Variants in ANXA8 observed in about 807,000 individuals in gnomAD.
The protein encoded by ANXA8 is annexin A8.
A neutral mutation model predicts 26.8 loss-of-function variants in ANXA8; 9 were observed. That is an observed-to-expected ratio of 0.34 (90% CI 0.20 to 0.59). ANXA8 has a LOEUF of 0.59. ANXA8 is among the 20% of genes least tolerant of loss of function. ANXA8 has a pLI of 0.84. For missense variants in ANXA8, 83 were observed against 238.5 expected, an observed-to-expected ratio of 0.35 and a Z score of 4.29; for synonymous variants, 39 against 94.8, an observed-to-expected ratio of 0.41 and a Z score of 3.42.
At chr10:47,607,469 A>G in the ANXA8 span, among the ~76,000 whole-genome samples, 4 of 150,502 alleles carry the variant, frequency 2.7e-5, no homozygotes, top group African/African-American at 9.9e-5. Flanking sequence ...TACATTCTGT[A>G]TGACAGAAAG....
the ANXA8 span, among the ~76,000 whole-genome samples, chr10:47,626,444 C>T: frequency 4.0e-5 from 6 of 150,128 alleles, no homozygotes; most frequent in South Asian, 2.1e-4. Flanking sequence ...CAATTTTTTC[C>T]GACAGATATC....
At chr10:47,947,375 T>A in the ANXA8 span, among the ~76,000 whole-genome samples, 2 of 141,430 alleles carry the variant, frequency 1.4e-5, 1 homozygote, top group African/African-American at 5.6e-5. Context: ...GTTGCATGTG[T>A]CCCACAAAGT....
chr10:47,944,878 AC>A, the ANXA8 span, among the ~76,000 whole-genome samples: 1 of 116,226 alleles, frequency 8.6e-6, no homozygotes, highest in African/African-American at 3.4e-5. Flanking sequence ...CCACCCCTCA[AC>A]CCTCCTCAGT....
At chr10:47,735,856 G>A in the ANXA8 span, among the ~76,000 whole-genome samples, 3 of 148,836 alleles carry the variant, frequency 2.0e-5, no homozygotes, top group Admixed American at 6.9e-5. Flanking sequence ...TGCCCAGGCT[G>A]GTCTAAACTC....
At chr10:47,680,699 TAAATTAAAAA>T in the ANXA8 span, among the ~76,000 whole-genome samples, 3 of 151,766 alleles carry the variant, frequency 2.0e-5, no homozygotes, top group Non-Finnish European at 2.9e-5. Context: ...GTTTAAAAAA[TAAATTAAAAA>T]AAAATTCTCT....
chr10:47,495,650 T>G, the ANXA8 span, among the ~76,000 whole-genome samples: 6 of 137,048 alleles, frequency 4.4e-5, no homozygotes, highest in African/African-American at 1.7e-4. Flanking sequence ...ACAACAAGAC[T>G]GAGGAGGAAG....
chr10:47,699,518 C>T, the ANXA8 span, among the ~76,000 whole-genome samples: 1 of 151,148 alleles, frequency 6.6e-6, no homozygotes, highest in Admixed American at 6.6e-5. Flanking sequence ...TAACAGGATG[C>T]AAAATTAATG....
At chr10:47,570,984 G>T in the ANXA8 span, among the ~76,000 whole-genome samples, 4 of 150,820 alleles carry the variant, frequency 2.7e-5, no homozygotes, top group African/African-American at 4.9e-5. Context: ...GCATCATTAC[G>T]AGGAGCCTAT....
chr10:47,694,463 C>T, the ANXA8 span, among the ~76,000 whole-genome samples: 1 of 145,658 alleles, frequency 6.9e-6, no homozygotes, highest in East Asian at 2.0e-4. Flanking sequence ...CTCTGTTGCC[C>T]AGGCTGGAGT....
At chr10:47,885,379 GT>G in the ANXA8 span, among the ~76,000 whole-genome samples, 2 of 38,172 alleles carry the variant, frequency 5.2e-5, 1 homozygote, top group Non-Finnish European at 9.8e-5. Context: ...CTGTATTCTG[GT>G]TGCCAAGTGG....
the ANXA8 span, among the ~76,000 whole-genome samples, chr10:47,738,375 TTGAGA>T: frequency 6.9e-6 from 1 of 143,930 alleles, no homozygotes; most frequent in African/African-American, 2.7e-5. Context: ...CCATCTGTTC[TTGAGA>T]TAAGTTTAGA....
chr10:47,670,082 G>A, the ANXA8 span, among the ~76,000 whole-genome samples: 2 of 151,610 alleles, frequency 1.3e-5, no homozygotes, highest in East Asian at 3.9e-4. Context: ...TTTGCCTTTT[G>A]TGGATATTTC....
chr10:47,624,580 A>AT, the ANXA8 span, among the ~76,000 whole-genome samples: 1 of 76,194 alleles, frequency 1.3e-5, no homozygotes, highest in Admixed American at 1.6e-4. Context: ...TTGTTCATGT[A>AT]TTTTTTTTCC....
the ANXA8 span, among the ~76,000 whole-genome samples, chr10:47,506,742 C>T: frequency 1.4e-5 from 2 of 144,864 alleles, no homozygotes. Context: ...CAAGTTCAAG[C>T]GGTTCTCCTG....
chr10:47,904,968 TA>T, the ANXA8 span, among the ~76,000 whole-genome samples: 1 of 49,878 alleles, frequency 2.0e-5, no homozygotes, highest in African/African-American at 8.6e-5. Flanking sequence ...TAACTGCCAT[TA>T]ACCATCTCTA....
At chr10:47,570,953 C>T in the ANXA8 span, among the ~76,000 whole-genome samples, 1 of 150,484 alleles carries the variant, frequency 6.6e-6, no homozygotes, top group Non-Finnish European at 1.5e-5. Context: ...TGCCGCATAC[C>T]CAGCACTACT....
At chr10:47,982,464 A>T in the ANXA8 span, among the ~76,000 whole-genome samples, 1 of 148,540 alleles carries the variant, frequency 6.7e-6, no homozygotes, top group East Asian at 2.0e-4. Flanking sequence ...AGACAATTCA[A>T]GAGGATTAAA....
At chr10:47,776,513 G>C in the ANXA8 span, among the ~76,000 whole-genome samples, 31 of 151,874 alleles carry the variant, frequency 2.0e-4, no homozygotes, top group East Asian at 5.2e-3. Context: ...TCTCTGGGCG[G>C]CTCCAGTATC....
the ANXA8 span, among the ~76,000 whole-genome samples, chr10:47,528,773 G>A: frequency 7.2e-6 from 1 of 138,620 alleles, no homozygotes; most frequent in East Asian, 2.5e-4. Context: ...AAAATCAGAG[G>A]AGGGATGATT....
Sources: gnomAD v4.1 joint callset for allele counts (sites outside exome capture counted in the v4.1 genomes callset) on GRCh38, gnomAD v4.1.1 for gene constraint, MANE v1.5 for transcripts, NCBI Gene and HGNC (gene_info 2026-07-23, HGNC 2026-07-21) for gene names.